Variants in CYLD observed in about 807,000 individuals in gnomAD.
The protein encoded by CYLD is ubiquitin carboxyl-terminal hydrolase CYLD.
A neutral mutation model predicts 104.5 loss-of-function variants in CYLD; 26 were observed. The ratio of observed to expected loss-of-function variants is 0.25; its 90% CI spans 0.18 to 0.35. The LOEUF (loss-of-function observed/expected upper bound fraction) is 0.35, where lower values mean the gene tolerates loss of function less well. Ranked by LOEUF, CYLD falls within the 10% of genes least tolerant of loss-of-function variation. The pLI, the probability that CYLD is intolerant of heterozygous loss-of-function variation, is 1.00. For missense variants in CYLD, 703 were observed against 1,136.1 expected (o/e 0.62, Z 5.48); for synonymous variants, 385 against 399.9 (o/e 0.96, Z 0.45).
chr16:50,744,694 T>C (rs1019060136), intron 2 of CYLD: 5 of 152,392 alleles, frequency 3.3e-5, no homozygotes, highest in African/African-American at 7.2e-5. Flanking sequence ...TTTCTGTAGC[T>C]ACTGATGTTC....
At position 50,796,715 on chromosome 16, in the gene CYLD, T is replaced by C. The variant is rs746394506; in HGVS notation, c.*207T>C. 6 of 577,434 alleles carry C rather than the reference T, an allele frequency of 1.0e-5. No individual in the cohort carries two copies. Among genetic ancestry groups the C allele is most frequent in the South Asian group, 5.9e-5 (3 of 50,480 alleles). The allele number at this position is 577,434 out of a possible 1,614,324, so 35.8% of individuals were successfully genotyped here. On this transcript the variant is annotated 3_prime_UTR_variant, in exon 19 of 19. Transcript: ENST00000427738. Reference sequence around the variant, plus strand: ...GAAGCATTTTGCACTCTAGAAAGTATGTTTGTGTTGGTTTTTTAAGAAGTC... The same window carrying C: ...GAAGCATTTTGCACTCTAGAAAGTACGTTTGTGTTGGTTTTTTAAGAAGTC...
intron 5 of CYLD, among the ~76,000 whole-genome samples, chr16:50,772,941 A>T (rs1406988600): frequency 6.6e-6 from 1 of 152,188 alleles, no homozygotes; most frequent in East Asian, 1.9e-4. Context: ...TTCTTGAAGA[A>T]TTTTTCATAT....
intron 5 of CYLD, among the ~76,000 whole-genome samples, chr16:50,765,695 A>G (rs539259063): frequency 2.0e-5 from 3 of 152,234 alleles, no homozygotes; most frequent in Non-Finnish European, 4.4e-5. Flanking sequence ...AGGAAATTAA[A>G]AGTGCTACTT....
chr16:50,742,913 G>T, intron 2 of CYLD, 72 bp downstream of exon 2: 1 of 396,952 alleles, frequency 2.5e-6, no homozygotes, highest in Non-Finnish European at 4.4e-6. Context: ...GGGCGGGGGC[G>T]AAGTCATGAA....
At chr16:50,754,453 A>G in intron 5 of CYLD, 29 bp downstream of exon 5, 1 of 1,433,916 alleles carries the variant, frequency 7.0e-7, no homozygotes, top group Non-Finnish European at 9.8e-7. Flanking sequence ...ATACATTTAT[A>G]AGGCAAACTT....
chr16:50,744,342 T>C (rs1965996372), intron 2 of CYLD, among the ~76,000 whole-genome samples: 1 of 152,208 alleles, frequency 6.6e-6, no homozygotes, highest in Non-Finnish European at 1.5e-5. Context: ...TTTAGAAATA[T>C]AACAACTTTG....
chr16:50,776,037 G>C (rs746018373), intron 6 of CYLD, 142 bp from the exon 7 acceptor site: 15 of 672,498 alleles, frequency 2.2e-5, no homozygotes, highest in Non-Finnish European at 4.0e-5. Context: ...CAATACTTTT[G>C]ATGGCCTTTA....
rs1204657786 is a variant in CYLD at position 50,754,997 on chromosome 16, GTATA to G, written c.913+578_913+581del. Among the ~76,000 whole-genome samples, 29 of 7,554 alleles carry G rather than the reference GTATA, an allele frequency of 3.8e-3. 1 individual carries two copies. The highest frequency in any genetic ancestry group is 0.018 in the African/African-American group (22 of 1,228). The allele number at this position is 7,554 out of a possible 152,430, so 5.0% of individuals were successfully genotyped here. On this transcript the variant is annotated intron_variant, in intron 5 of 18. Coordinates refer to ENST00000427738, the MANE Select transcript of CYLD (RefSeq NM_001378743.1). Reference sequence around the variant, plus strand: ...TATGTATACATATATACATATATATGTATATATACATATATATGTATATATACAT... The same window carrying G: ...TATGTATACATATATACATATATATGTATACATATATATGTATATATACAT...
chr16:50,757,669 T>G (rs978844866), intron 5 of CYLD, among the ~76,000 whole-genome samples: 4 of 152,084 alleles, frequency 2.6e-5, no homozygotes, highest in African/African-American at 9.7e-5. Flanking sequence ...CCCGAGTAGC[T>G]GGGACCACAG....
chr16:50,784,464 CAAAT>C lies in CYLD; in HGVS notation c.1949+14_1949+17del. 1 of 1,611,424 alleles carries C rather than the reference CAAAT, an allele frequency of 6.2e-7. No individual in the cohort carries two copies. The highest frequency in any genetic ancestry group is 8.5e-7 in the Non-Finnish European group (1 of 1,179,364). On this transcript the variant is annotated intron_variant, in intron 12 of 18. Transcript: ENST00000427738. Reference sequence around the variant, plus strand: ...ATCCTCTGAGAATGTAAGTAGAAAACAAATTGCTATTTTGCCTTTACATGGTGTT... The same window carrying C: ...ATCCTCTGAGAATGTAAGTAGAAAACTGCTATTTTGCCTTTACATGGTGTT...
At chr16:50,793,706 G>T in intron 17 of CYLD, 42 bp downstream of exon 17, 7 of 1,236,368 alleles carry the variant, frequency 5.7e-6, no homozygotes, top group Non-Finnish European at 8.4e-6. Context: ...TTGTTGAACA[G>T]TAACTTATTT....
Position 50,775,173 on chromosome 16 carries a change from A to G in CYLD, c.921A>G (p.Ser307=). The G allele has an allele frequency of 1.9e-6, 3 of 1,597,022 alleles. No homozygotes were observed. Among genetic ancestry groups the G allele is most frequent in the Non-Finnish European group, 2.5e-6 (3 of 1,178,144 alleles). The change falls in exon 6 of 19, where the codon TCA becomes TCG. Residue 307 remains serine (S), a splice_region_variant and synonymous_variant. Transcript: ENST00000427738. ...LHINDIIPAL[S]ESVTQERRPP... is the part of the protein sequence containing the mutation. ...GTTTTTGCTGACACACAGCTTTATC[A>G]GGTATGACTCCTAAGTGTCGTGTTG...
intron 3 of CYLD, 144 bp from the exon 4 acceptor site, chr16:50,751,460 G>C (rs1047128579): frequency 1.7e-6 from 1 of 593,226 alleles, no homozygotes; most frequent in African/African-American, 1.9e-5. Context: ...AAATCCAACA[G>C]AAACTGCTAA....
intron 5 of CYLD, among the ~76,000 whole-genome samples, chr16:50,763,444 C>G: frequency 6.6e-6 from 1 of 152,114 alleles, no homozygotes; most frequent in East Asian, 1.9e-4. Flanking sequence ...GTGGAACTGC[C>G]AGACTGTTTC....
rs1159024505 is a variant in CYLD at position 50,749,995 on chromosome 16, A to G, written c.297A>G (p.Leu99=). The G allele has an allele frequency of 1.9e-6, 3 of 1,614,052 alleles. No homozygotes were observed. Among genetic ancestry groups the G allele is most frequent in the Non-Finnish European group, 2.5e-6 (3 of 1,180,014 alleles). The change falls in exon 3 of 19, where the codon TTA becomes TTG. Residue 99 remains leucine, a synonymous_variant. Transcript: ENST00000427738. ...VVEINEKFTE[L]LLAITNCEER... ...AGATAAATGAAAAGTTCACAGAGTTACTTTTGGCAATTACCAATTGTGAGG... is the reference window on the plus strand; with the variant it reads ...AGATAAATGAAAAGTTCACAGAGTTGCTTTTGGCAATTACCAATTGTGAGG...
chr16:50,787,893 A>T (rs779998321), intron 14 of CYLD, 41 bp downstream of exon 14: 1 of 1,169,096 alleles, frequency 8.6e-7, no homozygotes, highest in Non-Finnish European at 1.3e-6. Context: ...AAAAATAGAC[A>T]ATTCTCATTT....
chr16:50,794,207 T>G lies in CYLD; in HGVS notation c.2470-5T>G. ...TAATGACATTCTTTTCATGGTCCAT[T>G]TTAGGTCCACCTTCATCCGAAGAGG... is the stretch of plus-strand genomic sequence containing the variant. On this transcript the variant is annotated splice_polypyrimidine_tract_variant and splice_region_variant and intron_variant, in intron 17 of 18. Coordinates refer to ENST00000427738, the MANE Select transcript of CYLD (RefSeq NM_001378743.1). This position sits in a 1 kb window ranked among gnomAD's most constrained non-coding sequence, Gnocchi z 4.1. The G allele has an allele frequency of 6.2e-7, 1 of 1,613,504 alleles. No homozygotes were observed. Among genetic ancestry groups the G allele is most frequent in the Admixed American group, 1.7e-5 (1 of 60,022 alleles).
chr16:50,752,183 T>A (rs1219251997), intron 4 of CYLD, among the ~76,000 whole-genome samples: 3 of 151,794 alleles, frequency 2.0e-5, no homozygotes, highest in Admixed American at 6.6e-5. Flanking sequence ...ACAGATTACA[T>A]TTACTTTTTT....
Position 50,794,700 on chromosome 16 carries a change from A to T in CYLD, c.2686+272A>T. 1 of 447,442 alleles carries T rather than the reference A, an allele frequency of 2.2e-6. No homozygotes were observed. The highest frequency in any genetic ancestry group is 2.1e-5 in the South Asian group (1 of 47,948). The allele number at this position is 447,442 out of a possible 1,614,324, so 27.7% of individuals were successfully genotyped here. On this transcript the variant is annotated intron_variant, in intron 18 of 18. Transcript: ENST00000427738. The surrounding 1 kb of genome is among the most constrained non-coding windows in gnomAD (Gnocchi z 4.1). ...CAGCAGCGTGATCTTGGCTCATTGCAACCTCCACCTCTCAGGTTCAAGCAA... is the reference window on the plus strand; with the variant it reads ...CAGCAGCGTGATCTTGGCTCATTGCTACCTCCACCTCTCAGGTTCAAGCAA...
Sources: allele counts gnomAD v4.1 joint callset (sites outside exome capture counted in the v4.1 genomes callset), GRCh38; gene constraint gnomAD v4.1.1; non-coding constraint Gnocchi (gnomAD v3.1); transcripts MANE v1.5; gene names NCBI Gene and HGNC (gene_info 2026-07-23, HGNC 2026-07-21).